The following COL5A1 variants were observed in gnomAD, a reference collection of about 807,000 sequenced individuals.
COL5A1 encodes the protein collagen alpha-1(V) chain.
A neutral mutation model predicts 263.7 loss-of-function variants in COL5A1; 16 were observed. The ratio of observed to expected loss-of-function variants is 0.06; its 90% CI spans 0.04 to 0.09. The LOEUF is 0.09. Ranked by LOEUF, COL5A1 falls within the 10% of genes least tolerant of loss-of-function variation. The pLI is 1.00. For missense variants in COL5A1, 2,036 were observed against 2,540.5 expected, an observed-to-expected ratio of 0.80 and a Z score of 4.27; for synonymous variants, 1,012 against 1,004.5, an observed-to-expected ratio of 1.01 and a Z score of -0.14.
chr9:134,725,187 G>A (rs917630004), intron 4 of COL5A1, among the ~76,000 whole-genome samples: 3 of 152,160 alleles, frequency 2.0e-5, no homozygotes, highest in African/African-American at 7.2e-5. Context: ...AGTGTGGTGG[G>A]GCGTGTAGTG....
At chr9:134,812,817 C>CAA in intron 48 of COL5A1, 105 bp downstream of exon 48, 2 of 826,898 alleles carry the variant, frequency 2.4e-6, no homozygotes, top group Non-Finnish European at 4.1e-6. Flanking sequence ...CGCATGCACA[C>CAA]GCTTGTGGGG....
chr9:134,662,643 G>T (rs1832244985), intron 1 of COL5A1, among the ~76,000 whole-genome samples: 1 of 152,188 alleles, frequency 6.6e-6, no homozygotes, highest in South Asian at 2.1e-4. Flanking sequence ...GCCTCTGGGG[G>T]TTGTTCTCCA....
rs761059323 is a variant in COL5A1 at position 134,829,963 on chromosome 9, G to A, written c.5068-13G>A. On this transcript the variant is annotated splice_polypyrimidine_tract_variant and intron_variant, in intron 63 of 65. Transcript: ENST00000371817. ...TGTTTCTCTCCCTCCCCACCTCCCCGCTGCATGTTTAGGCCAGAATCACTT... is the reference window on the plus strand; with the variant it reads ...TGTTTCTCTCCCTCCCCACCTCCCCACTGCATGTTTAGGCCAGAATCACTT... 28 of 1,611,556 alleles carry A rather than the reference G, an allele frequency of 1.7e-5. No individual in the cohort carries two copies. In the Admixed American group the frequency reaches 2.3e-4, roughly 13 times the overall value.
intron 31 of COL5A1, among the ~76,000 whole-genome samples, chr9:134,788,472 G>A (rs914110592): frequency 3.3e-5 from 5 of 149,756 alleles, no homozygotes; most frequent in Non-Finnish European, 7.4e-5. Flanking sequence ...ACATAGGTAG[G>A]CCAGTGGGTG....
intron 32 of COL5A1, among the ~76,000 whole-genome samples, chr9:134,791,909 A>T (rs1837703780): frequency 6.6e-6 from 1 of 152,132 alleles, no homozygotes; most frequent in Admixed American, 6.5e-5. Flanking sequence ...GGTAAGCAGC[A>T]CTCAGAGGAG....
At chr9:134,650,746 C>T (rs941679078) in intron 1 of COL5A1, among the ~76,000 whole-genome samples, 18 of 152,386 alleles carry the variant, frequency 1.2e-4, no homozygotes, top group East Asian at 1.2e-3. Context: ...GGCACGTTCC[C>T]GTGCATGTTC....
At chr9:134,745,689 A>C (rs547747319) in intron 11 of COL5A1, among the ~76,000 whole-genome samples, 1 of 152,140 alleles carries the variant, frequency 6.6e-6, no homozygotes, top group African/African-American at 2.4e-5. Flanking sequence ...GAACGAACGA[A>C]TGGTGGGTTC....
chr9:134,717,695 G>A (rs117827644), intron 4 of COL5A1, among the ~76,000 whole-genome samples: 208 of 152,314 alleles, frequency 1.4e-3, no homozygotes, highest in Non-Finnish European at 2.2e-3. Flanking sequence ...CTTGCCGACC[G>A]CTTCTCCCAC....
At chr9:134,707,831 G>C (rs1242995582) in intron 4 of COL5A1, among the ~76,000 whole-genome samples, 1 of 152,234 alleles carries the variant, frequency 6.6e-6, no homozygotes, top group East Asian at 1.9e-4. Context: ...CCCATCACTG[G>C]GCAGCCGGGG....
At chr9:134,785,132 A>T (rs1315147494) in intron 30 of COL5A1, 36 bp downstream of exon 30, 2 of 1,560,782 alleles carry the variant, frequency 1.3e-6, no homozygotes, top group Admixed American at 3.3e-5. Context: ...CTTTCTTGGG[A>T]GGGATCTGAC....
Position 134,841,951 on chromosome 9 carries a change from G to C in COL5A1, c.5371-206G>C, listed in dbSNP as rs936645443. ...CCACCCCACCTCCGACCTGTGCAGGGGGACTCTTGGGACATCCACCGGGGT... is the reference window on the plus strand; with the variant it reads ...CCACCCCACCTCCGACCTGTGCAGGCGGACTCTTGGGACATCCACCGGGGT... On this transcript the variant is annotated intron_variant, in intron 65 of 65. Transcript: ENST00000371817. This position sits in a 1 kb window ranked among gnomAD's most constrained non-coding sequence, Gnocchi z 4.8. 3.3e-5 allele frequency among the ~76,000 whole-genome samples: 5 copies of C among 152,140 alleles called. No individual in the cohort carries two copies. Among genetic ancestry groups the C allele is most frequent in the Non-Finnish European group, 5.9e-5 (4 of 68,028 alleles).
chr9:134,823,424 T>G lies in COL5A1; in HGVS notation c.4653T>G (p.Thr1551=). ...CTTTTCTTTCTCCCCAGGGTCCAACTGGCCCGAAGGGTGAGGCAGGCCACC... is the reference window on the plus strand; with the variant it reads ...CTTTTCTTTCTCCCCAGGGTCCAACGGGCCCGAAGGGTGAGGCAGGCCACC... ...PKGAKGSSGP[T]GPKGEAGHPG... is the part of the protein sequence containing the mutation. Residue 1551 remains threonine (T), a synonymous_variant, in exon 61 of 66, where the codon ACT becomes ACG. Coordinates refer to ENST00000371817, the MANE Select transcript of COL5A1 (RefSeq NM_000093.5). 2.5e-6 allele frequency: 4 copies of G among 1,614,222 alleles called. No homozygotes were observed. The highest frequency in any genetic ancestry group is 3.4e-6 in the Non-Finnish European group (4 of 1,180,014).
intron 65 of COL5A1, among the ~76,000 whole-genome samples, chr9:134,837,942 C>G (rs1290261601): frequency 6.6e-6 from 1 of 152,200 alleles, no homozygotes; most frequent in Non-Finnish European, 1.5e-5. Flanking sequence ...TCACCATAGC[C>G]CCTTCCTGGC....
chr9:134,802,219 G>T (rs183382518), intron 38 of COL5A1, among the ~76,000 whole-genome samples: 1 of 152,242 alleles, frequency 6.6e-6, no homozygotes, highest in Non-Finnish European at 1.5e-5. Flanking sequence ...AACCCAACAC[G>T]CAGGGCAAGG....
At chr9:134,788,191 T>C (rs535909891) in intron 31 of COL5A1, among the ~76,000 whole-genome samples, 114 of 148,270 alleles carry the variant, frequency 7.7e-4, no homozygotes, top group African/African-American at 2.8e-3. Context: ...GGTGGGTTTA[T>C]AGGTAGGCAA....
rs73556939 is a variant in COL5A1, at chr9:134,647,402, C to T, written c.109+5106C>T. Among the ~76,000 whole-genome samples, 22,762 of 152,002 alleles carry T rather than the reference C, an allele frequency of 0.15. 1,906 individuals are homozygous for T. The highest frequency in any genetic ancestry group is 0.19 in the South Asian group (939 of 4,818). On this transcript the variant is annotated intron_variant, in intron 1 of 65. Transcript: ENST00000371817. This position sits in a 1 kb window ranked among gnomAD's most constrained non-coding sequence, Gnocchi z 5.0. ...GCGTGTGTGTGTGTGTGTGTCAGGCCGTGTGCACGTGTGGACAATGTGTAT... is the reference window on the plus strand; with the variant it reads ...GCGTGTGTGTGTGTGTGTGTCAGGCTGTGTGCACGTGTGGACAATGTGTAT...
intron 4 of COL5A1, chr9:134,708,836 G>A (rs1414483310): frequency 1.8e-5 from 8 of 456,638 alleles, no homozygotes; most frequent in South Asian, 3.1e-5. Context: ...AGGTGTGGGC[G>A]GGGCCGTGCT....
In COL5A1 at chr9:134,647,289, C is replaced by T. The variant is rs903383935; in HGVS notation, c.109+4993C>T. 6.6e-6 allele frequency among the ~76,000 whole-genome samples: 1 copy of T among 151,994 alleles called. No individual in the cohort carries two copies. Among genetic ancestry groups the T allele is most frequent in the African/African-American group, 2.4e-5 (1 of 41,358 alleles). ...AACCTCATGGGGTCATTGTCCAGGC[C>T]GTGGGGTGTGATGCATGTGAAAAGC... On this transcript the variant is annotated intron_variant, in intron 1 of 65. Coordinates refer to ENST00000371817, the MANE Select transcript of COL5A1 (RefSeq NM_000093.5). This position sits in a 1 kb window ranked among gnomAD's most constrained non-coding sequence, Gnocchi z 5.0.
chr9:134,753,464 T>C (rs1835860810), intron 14 of COL5A1, among the ~76,000 whole-genome samples: 1 of 152,144 alleles, frequency 6.6e-6, no homozygotes, highest in Non-Finnish European at 1.5e-5. Context: ...GACTCAGGGC[T>C]GGCCTCCCAC....
Sources: gnomAD v4.1 joint callset for allele counts (sites outside exome capture counted in the v4.1 genomes callset) on GRCh38, gnomAD v4.1.1 for gene constraint, Gnocchi (gnomAD v3.1) non-coding constraint, MANE v1.5 for transcripts, NCBI Gene and HGNC (gene_info 2026-07-23, HGNC 2026-07-21) for gene names.